Variants in MIGA2 observed in about 807,000 individuals in gnomAD.
MIGA2 encodes the protein family with sequence similarity 73, member B.
A neutral mutation model predicts 69.9 loss-of-function variants in MIGA2; 36 were observed. The ratio of observed to expected loss-of-function variants is 0.52; its 90% CI spans 0.39 to 0.68. The LOEUF (loss-of-function observed/expected upper bound fraction) is 0.68, where lower values mean the gene tolerates loss of function less well. MIGA2 is among the 30% of genes least tolerant of loss of function. The pLI, the probability that MIGA2 is intolerant of heterozygous loss-of-function variation, is 0.00. For missense variants in MIGA2, 660 were observed against 787.7 expected, an observed-to-expected ratio of 0.84 and a Z score of 1.94; for synonymous variants, 333 against 349.2, an observed-to-expected ratio of 0.95 and a Z score of 0.52.
intron 3 of MIGA2, among the ~76,000 whole-genome samples, chr9:129,048,159 C>G (rs753559838): frequency 6.6e-6 from 1 of 152,230 alleles, no homozygotes; most frequent in African/African-American, 2.4e-5. Flanking sequence ...TCATTCTTGG[C>G]TTATCTGGCA....
At position 129,060,988 on chromosome 9, in the gene MIGA2, G is replaced by T. The variant is rs1286585280; in HGVS notation, c.895-243G>T. Reference sequence around the variant, plus strand: ...GTCCTTCCTTGGGATGGGAGGACATGCACATGTGTCCTTTAGATGGCCTTT... The same window carrying T: ...GTCCTTCCTTGGGATGGGAGGACATTCACATGTGTCCTTTAGATGGCCTTT... On this transcript the variant is annotated intron_variant, in intron 8 of 15. Transcript: ENST00000684074. This position sits in a 1 kb window ranked among gnomAD's most constrained non-coding sequence, Gnocchi z 4.8. Among the ~76,000 whole-genome samples, 1 of 152,236 alleles carries T rather than the reference G, an allele frequency of 6.6e-6. No individual in the cohort carries two copies.
Position 129,061,351 on chromosome 9 carries a change from G to T in MIGA2, c.1010+5G>T. 6.6e-7 allele frequency: 1 copy of T among 1,505,534 alleles called. No individual in the cohort carries two copies. The highest frequency in any genetic ancestry group is 9.2e-7 in the Non-Finnish European group (1 of 1,086,564). The allele number at this position is 1,505,534 out of a possible 1,614,324, so 93.3% of individuals were successfully genotyped here. The stretch of plus-strand genomic sequence containing the variant: ...AGTGCCTTGCCGGACCCTCAGGTGA[G>T]CAGGTGTGGAGGGAGGGAGGGAGGG... On this transcript the variant is annotated splice_donor_5th_base_variant and intron_variant, in intron 9 of 15. Coordinates refer to ENST00000684074, the MANE Select transcript of MIGA2 (RefSeq NM_001329990.2). The surrounding 1 kb of genome is among the most constrained non-coding windows in gnomAD (Gnocchi z 5.0).
chr9:129,068,260 C>T lies in MIGA2; in HGVS notation c.1332C>T (p.Asp444=). Reference sequence around the variant, plus strand: ...TCATCCTCATGGACGCCTTCGAGGACCTGGAGAACCCTCCGGCCTCGGTGC... The same window carrying T: ...TCATCCTCATGGACGCCTTCGAGGATCTGGAGAACCCTCCGGCCTCGGTGC... ...LDFILMDAFE[D]LENPPASVLA... Residue 444 remains aspartate (D), a synonymous_variant, in exon 13 of 16, where the codon GAC becomes GAT. Coordinates refer to ENST00000684074, the MANE Select transcript of MIGA2 (RefSeq NM_001329990.2). This position sits in a 1 kb window ranked among gnomAD's most constrained non-coding sequence, Gnocchi z 4.1. 1 of 1,613,444 alleles carries T rather than the reference C, an allele frequency of 6.2e-7. No individual in the cohort carries two copies.
chr9:129,040,378 C>T lies in MIGA2; in HGVS notation c.-143-74C>T, dbSNP rs939106247. The T allele has an allele frequency of 1.4e-5, 15 of 1,110,932 alleles. No homozygotes were observed. In the African/African-American group the frequency reaches 1.8e-4, roughly 13 times the overall value. 68.8% of individuals were successfully genotyped at this position (1,110,932 alleles called of 1,614,324 possible). A position where few individuals can be genotyped will look rare whatever the true frequency, so the allele number is the denominator to read the frequency against. On this transcript the variant is annotated intron_variant, in intron 1 of 15. Transcript: ENST00000684074. Reference sequence around the variant, plus strand: ...TTGCTCCTGCCTCCTCCCCCATGGACGCTCTTCTTGAGTGCATTTCTGCAT... The same window carrying T: ...TTGCTCCTGCCTCCTCCCCCATGGATGCTCTTCTTGAGTGCATTTCTGCAT...
chr9:129,042,191 A>G, intron 2 of MIGA2, 113 bp from the exon 3 acceptor site: 1 of 1,027,604 alleles, frequency 9.7e-7, no homozygotes, highest in Non-Finnish European at 1.4e-6. Flanking sequence ...TCTGGTCGGC[A>G]GATGTGCCGG....
chr9:129,063,713 C>A lies in MIGA2; in HGVS notation c.1170+82C>A, dbSNP rs552721148. 3 of 1,366,212 alleles carry A rather than the reference C, an allele frequency of 2.2e-6. No homozygotes were observed. The African/African-American group carries it at 4.3e-5, about 20-fold the overall frequency. 84.6% of individuals were successfully genotyped at this position (1,366,212 alleles called of 1,614,324 possible). A position where few individuals can be genotyped will look rare whatever the true frequency, so the allele number is the denominator to read the frequency against. ...CCTGAACCCCACCTGCCAGAGGGAA[C>A]CCCTGTGCACAGGCTGATACACGTT... On this transcript the variant is annotated intron_variant, in intron 11 of 15. Transcript: ENST00000684074.
intron 9 of MIGA2, among the ~76,000 whole-genome samples, chr9:129,062,271 C>A (rs1846103810): frequency 6.6e-6 from 1 of 151,192 alleles, no homozygotes; most frequent in African/African-American, 2.4e-5. Context: ...TGGCTCATGC[C>A]TATAATTCCA....
chr9:129,068,312 TCAGA>T lies in MIGA2; in HGVS notation c.1388_1391del (p.Asp463AlafsTer15). 1 of 1,606,972 alleles carries T rather than the reference TCAGA, an allele frequency of 6.2e-7. No individual in the cohort carries two copies. Among genetic ancestry groups the T allele is most frequent in the South Asian group, 1.1e-5 (1 of 90,854 alleles). Reference sequence around the variant, plus strand: ...CGCCGTCCTGCGGAACCGCTGGCTGTCAGACAGCTTCAAGGAGACGGTGGGTCAC... The same window carrying T: ...CGCCGTCCTGCGGAACCGCTGGCTGTCAGCTTCAAGGAGACGGTGGGTCAC... On this transcript the variant is annotated frameshift_variant, in exon 13 of 16. Transcript: ENST00000684074. LOFTEE classifies it high-confidence loss of function. The surrounding 1 kb of genome is among the most constrained non-coding windows in gnomAD (Gnocchi z 4.1).
chr9:129,058,054 T>C (rs577060538), intron 6 of MIGA2, among the ~76,000 whole-genome samples: 1 of 152,294 alleles, frequency 6.6e-6, no homozygotes, highest in South Asian at 2.1e-4. Context: ...AATAGGTTAT[T>C]AGTAGTTAAT....
intron 6 of MIGA2, among the ~76,000 whole-genome samples, chr9:129,050,809 G>C (rs1845487434): frequency 6.6e-6 from 1 of 151,958 alleles, no homozygotes; most frequent in South Asian, 2.1e-4. Flanking sequence ...TTGACCTCGT[G>C]ATCCGCCTGC....
intron 9 of MIGA2, among the ~76,000 whole-genome samples, chr9:129,062,549 A>AAG (rs1554842265): frequency 1.1e-4 from 16 of 149,024 alleles, no homozygotes; most frequent in African/African-American, 3.7e-4. Context: ...AAAAAAAAAA[A>AAG]GCAAAAAAAC....
rs186728103 is a variant in MIGA2, at chr9:129,066,605, C to T, written c.1171-1168C>T. Among the ~76,000 whole-genome samples the T allele has an allele frequency of 2.1e-3, 289 of 136,356 alleles. 1 individual carries two copies. The highest frequency in any genetic ancestry group is 7.9e-3 in the African/African-American group (276 of 35,096). The allele number at this position is 136,356 out of a possible 152,430, so 89.5% of individuals were successfully genotyped here. A position where few individuals can be genotyped will look rare whatever the true frequency, so the allele number is the denominator to read the frequency against. ...AGGAGAATGGCATGAACCCAGGAGG[C>T]GGAGCTTGCAGTGAGCCAAGATCAC... On this transcript the variant is annotated intron_variant, in intron 11 of 15. Coordinates refer to ENST00000684074, the MANE Select transcript of MIGA2 (RefSeq NM_001329990.2).
chr9:129,058,423 T>C (rs528619024), intron 6 of MIGA2, among the ~76,000 whole-genome samples: 8 of 151,390 alleles, frequency 5.3e-5, no homozygotes, highest in African/African-American at 1.7e-4. Flanking sequence ...AAAAAAAAGT[T>C]TTTTATGTAG....
intron 1 of MIGA2, 74 bp downstream of exon 1, chr9:129,036,755 G>T (rs1425108432): frequency 2.9e-5 from 5 of 174,246 alleles, no homozygotes; most frequent in Non-Finnish European, 6.1e-5. Flanking sequence ...GCGGAGGACC[G>T]AGTAGGCGCA....
intron 3 of MIGA2, among the ~76,000 whole-genome samples, chr9:129,045,315 G>T (rs1845157147): frequency 6.6e-6 from 1 of 151,204 alleles, no homozygotes; most frequent in African/African-American, 2.4e-5. Flanking sequence ...GGGGGTGCAT[G>T]CCTGTAATCC....
chr9:129,051,634 C>T (rs540566572), intron 6 of MIGA2, among the ~76,000 whole-genome samples: 34 of 149,166 alleles, frequency 2.3e-4, no homozygotes, highest in African/African-American at 6.2e-4. Context: ...CTTGCTCTGC[C>T]GCCCAGGCTG....
At chr9:129,066,387 A>C (rs1332232871) in intron 11 of MIGA2, among the ~76,000 whole-genome samples, 1 of 152,150 alleles carries the variant, frequency 6.6e-6, no homozygotes, top group Non-Finnish European at 1.5e-5. Context: ...TTTTATTAAG[A>C]AATGAGGCTG....
At chr9:129,037,586 G>A (rs1030090121) in intron 1 of MIGA2, among the ~76,000 whole-genome samples, 1 of 152,158 alleles carries the variant, frequency 6.6e-6, no homozygotes, top group African/African-American at 2.4e-5. Context: ...CATCCCTGGA[G>A]TGAAGCAGGC....
rs1337108705 is a variant in MIGA2 at position 129,070,351 on chromosome 9, C to G, written c.1680C>G (p.Arg560=). Residue 560 remains arginine, a synonymous_variant, in exon 16 of 16, where the codon CGC becomes CGG. Coordinates refer to ENST00000684074, the MANE Select transcript of MIGA2 (RefSeq NM_001329990.2). ...ADDILQLSRR[R]SEILLGYLGV... is the part of the protein sequence containing the mutation. The stretch of plus-strand genomic sequence containing the variant: ...ACATCCTGCAGCTGTCCCGGCGCCG[C>G]AGCGAGATATTGCTGGGGTACCTGG... 1 of 1,613,024 alleles carries G rather than the reference C, an allele frequency of 6.2e-7. No individual in the cohort carries two copies. Among genetic ancestry groups the G allele is most frequent in the Admixed American group, 1.7e-5 (1 of 60,024 alleles).
Sources: gnomAD v4.1 joint callset for allele counts (sites outside exome capture counted in the v4.1 genomes callset) on GRCh38, gnomAD v4.1.1 for gene constraint, Gnocchi (gnomAD v3.1) non-coding constraint, MANE v1.5 for transcripts, NCBI Gene and HGNC (gene_info 2026-07-23, HGNC 2026-07-21) for gene names.